The following STX11 variants were observed in gnomAD, a reference collection of about 807,000 sequenced individuals.
STX11 encodes the protein syntaxin-11.
In STX11, 21 loss-of-function variants were observed where a neutral mutation model predicts 19.9. That is an observed-to-expected ratio of 1.06 (90% CI 0.75 to 1.52). The LOEUF is 1.52. Ranked by LOEUF, STX11 falls within the 40% of genes most tolerant of loss-of-function variation. The pLI is 0.00. For missense variants in STX11, 438 were observed against 405.9 expected (o/e 1.08, Z -0.68); for synonymous variants, 193 against 174.4 (o/e 1.11, Z -0.84).
chr6:144,146,153 A>G (rs1184790290), upstream of STX11, among the ~76,000 whole-genome samples: 1 of 152,172 alleles, frequency 6.6e-6, no homozygotes, highest in Non-Finnish European at 1.5e-5. The surrounding 1 kb of genome is among the most constrained non-coding windows in gnomAD (Gnocchi z 4.4). Context: ...GGACCTTCCA[A>G]CCCTGGGATT....
Position 144,153,499 on chromosome 6 carries a change from C to T in STX11, c.-6+2796C>T, listed in dbSNP as rs7761584. 0.073 allele frequency among the ~76,000 whole-genome samples: 11,040 copies of T among 152,170 alleles called. 1,138 individuals carry two copies. Among genetic ancestry groups the T allele is most frequent in the African/African-American group, 0.22 (9,287 of 41,468 alleles). Reference sequence around the variant, plus strand: ...GTTTAGTGACGGCACAGAGGGAGGCCTACGGAGACAGGAAGGGCCAGATCA... The same window carrying T: ...GTTTAGTGACGGCACAGAGGGAGGCTTACGGAGACAGGAAGGGCCAGATCA... On this transcript the variant is annotated intron_variant, in intron 1 of 1. Transcript: ENST00000367568. This position sits in a 1 kb window ranked among gnomAD's most constrained non-coding sequence, Gnocchi z 5.0.
At chr6:144,141,266 ACGTTAGAG>A in the STX11 span, among the ~76,000 whole-genome samples, 349 of 152,344 alleles carry the variant, frequency 2.3e-3, no homozygotes, top group African/African-American at 8.1e-3. Context: ...CTATTTGTAT[ACGTTAGAG>A]CAACCAGTAC....
intron 1 of STX11, among the ~76,000 whole-genome samples, chr6:144,186,067 T>TC (rs397943916): frequency 6.8e-6 from 1 of 148,130 alleles, no homozygotes; most frequent in East Asian, 2.0e-4. Flanking sequence ...TTTTTTTTTT[T>TC]CTGTGTCTGT....
chr6:144,151,003 T>C lies in STX11; in HGVS notation c.-6+300T>C, dbSNP rs754076090. Among the ~76,000 whole-genome samples, 5 of 152,236 alleles carry C rather than the reference T, an allele frequency of 3.3e-5. No homozygotes were observed. Among genetic ancestry groups the C allele is most frequent in the African/African-American group, 4.8e-5 (2 of 41,462 alleles). Reference sequence around the variant, plus strand: ...GAATTATTTTAGGGATACCTGTTGGTAGGCTGCCTTTATAAAGTGTCCACC... The same window carrying C: ...GAATTATTTTAGGGATACCTGTTGGCAGGCTGCCTTTATAAAGTGTCCACC... On this transcript the variant is annotated intron_variant, in intron 1 of 1. Transcript: ENST00000367568. This position sits in a 1 kb window ranked among gnomAD's most constrained non-coding sequence, Gnocchi z 4.6.
intron 1 of STX11, among the ~76,000 whole-genome samples, chr6:144,178,321 C>T (rs1801824213): frequency 6.6e-6 from 1 of 152,168 alleles, no homozygotes; most frequent in East Asian, 1.9e-4. Flanking sequence ...TAATACCTGC[C>T]CATTGCTGAG....
Position 144,191,741 on chromosome 6 carries a change from C to T in STX11, c.*4250C>T, listed in dbSNP as rs529195967. On this transcript the variant is annotated 3_prime_UTR_variant, in exon 2 of 2. Coordinates refer to ENST00000367568, the MANE Select transcript of STX11 (RefSeq NM_003764.4). ...GCAACAGTTGACTTCCTTTTGATAG[C>T]GGAGTTGAAAATCATTGCAATTAAT... is the stretch of plus-strand genomic sequence containing the variant. 9.5e-4 allele frequency among the ~76,000 whole-genome samples: 144 copies of T among 152,070 alleles called. No homozygotes were observed. Among genetic ancestry groups the T allele is most frequent in the African/African-American group, 3.2e-3 (133 of 41,452 alleles).
In STX11 at chr6:144,187,041, C is replaced by G; in HGVS notation, c.414C>G (p.Thr138=). ...SRAQYNALTL[T]FQRAMHDYNQ... The stretch of plus-strand genomic sequence containing the variant: ...CGCAGTACAACGCGCTCACCCTCAC[C>G]TTCCAGCGCGCCATGCACGACTACA... The change falls in exon 2 of 2, where the codon ACC becomes ACG. Residue 138 remains threonine, a synonymous_variant. Transcript: ENST00000367568. The surrounding 1 kb of genome is among the most constrained non-coding windows in gnomAD (Gnocchi z 5.6). 6.2e-7 allele frequency: 1 copy of G among 1,612,946 alleles called. No homozygotes were observed. Among genetic ancestry groups the G allele is most frequent in the Non-Finnish European group, 8.5e-7 (1 of 1,179,972 alleles).
In STX11 at chr6:144,187,185, G is replaced by T. The variant is rs201639250; in HGVS notation, c.558G>T (p.Trp186Cys). 6.2e-7 allele frequency: 1 copy of T among 1,613,960 alleles called. No individual in the cohort carries two copies. Among genetic ancestry groups the T allele is most frequent in the African/African-American group, 1.3e-5 (1 of 75,038 alleles). The stretch of plus-strand genomic sequence containing the variant: ...AGGACATGTTCGAGCAGGGTAAGTG[G>T]GACGTGTTTTCCGAGAACTTGCTGG... The part of the protein sequence containing the change: ...QIEDMFEQGK[W>C]DVFSENLLAD... The change falls in exon 2 of 2, where the codon TGG (tryptophan) becomes TGT (cysteine). Residue 186 changes from tryptophan (W) to cysteine (C), a missense_variant. Coordinates refer to ENST00000367568, the MANE Select transcript of STX11 (RefSeq NM_003764.4). This position sits in a 1 kb window ranked among gnomAD's most constrained non-coding sequence, Gnocchi z 5.6.
Position 144,152,220 on chromosome 6 carries a change from G to A in STX11, c.-6+1517G>A, listed in dbSNP as rs1801025128. Among the ~76,000 whole-genome samples the A allele has an allele frequency of 6.6e-6, 1 of 152,182 alleles. No individual in the cohort carries two copies. Among genetic ancestry groups the A allele is most frequent in the African/African-American group, 2.4e-5 (1 of 41,440 alleles). On this transcript the variant is annotated intron_variant, in intron 1 of 1. Coordinates refer to ENST00000367568, the MANE Select transcript of STX11 (RefSeq NM_003764.4). This position sits in a 1 kb window ranked among gnomAD's most constrained non-coding sequence, Gnocchi z 4.9. ...GATTAGTTGATAGTGTGACTTTTAAGAAATAGTGTGACTAATTAATAGTTT... is the reference window on the plus strand; with the variant it reads ...GATTAGTTGATAGTGTGACTTTTAAAAAATAGTGTGACTAATTAATAGTTT...
upstream of STX11, chr6:144,150,420 C>A: frequency 6.7e-6 from 6 of 901,162 alleles, no homozygotes; most frequent in Non-Finnish European, 8.0e-6. Flanking sequence ...CTCTGTGAGC[C>A]GGCTGCCGCC....
chr6:144,151,538 A>T lies in STX11; in HGVS notation c.-6+835A>T. 8.0e-6 allele frequency: 5 copies of T among 623,582 alleles called. No homozygotes were observed. Among genetic ancestry groups the T allele is most frequent in the Non-Finnish European group, 1.0e-5 (5 of 499,316 alleles). 38.6% of individuals were successfully genotyped at this position (623,582 alleles called of 1,614,324 possible). A position where few individuals can be genotyped will look rare whatever the true frequency, so the allele number is the denominator to read the frequency against. ...TGCCCTGCCAACCTGGGGCAGTGGT[A>T]TGGGAAGTGACGATTGAGTTTTCAG... On this transcript the variant is annotated intron_variant, in intron 1 of 1. Transcript: ENST00000367568. The surrounding 1 kb of genome is among the most constrained non-coding windows in gnomAD (Gnocchi z 4.6).
intron 1 of STX11, among the ~76,000 whole-genome samples, chr6:144,166,988 T>A (rs540657510): frequency 1.3e-4 from 20 of 152,264 alleles, no homozygotes; most frequent in African/African-American, 4.1e-4. Flanking sequence ...TGGCCCTGCA[T>A]CTCTGAGGGA....
At chr6:144,140,243 TATATATATATA>T in the STX11 span, among the ~76,000 whole-genome samples, 3 of 50,904 alleles carry the variant, frequency 5.9e-5, no homozygotes, top group African/African-American at 4.4e-4. Flanking sequence ...TATATATATA[TATATATATATA>T]TTTATTTATT....
At chr6:144,141,172 T>C in the STX11 span, among the ~76,000 whole-genome samples, 2 of 152,218 alleles carry the variant, frequency 1.3e-5, no homozygotes, top group Non-Finnish European at 2.9e-5. Context: ...TTGGTTTCCA[T>C]AAAGAGCTAT....
chr6:144,167,183 A>G lies in STX11; in HGVS notation c.-6+16480A>G, dbSNP rs73582945. On this transcript the variant is annotated intron_variant, in intron 1 of 1. Coordinates refer to ENST00000367568, the MANE Select transcript of STX11 (RefSeq NM_003764.4). The surrounding 1 kb of genome is among the most constrained non-coding windows in gnomAD (Gnocchi z 5.0). ...TCATTGGTTATTTTATAGAATTAGT[A>G]TATATAGTTGTATTAGATGATGGAA... 0.048 allele frequency among the ~76,000 whole-genome samples: 7,267 copies of G among 152,326 alleles called. 484 individuals are homozygous for G. Among genetic ancestry groups the G allele is most frequent in the African/African-American group, 0.14 (5,857 of 41,556 alleles).
upstream of STX11, among the ~76,000 whole-genome samples, chr6:144,147,768 T>C (rs541433659): frequency 6.6e-6 from 1 of 152,128 alleles, no homozygotes; most frequent in Non-Finnish European, 1.5e-5. This position sits in a 1 kb window ranked among gnomAD's most constrained non-coding sequence, Gnocchi z 4.2. Context: ...CAGCTGAGCA[T>C]GGTAACTGAT....
upstream of STX11, among the ~76,000 whole-genome samples, chr6:144,146,448 C>A (rs1394890054): frequency 6.6e-6 from 1 of 152,096 alleles, no homozygotes; most frequent in Non-Finnish European, 1.5e-5. This position sits in a 1 kb window ranked among gnomAD's most constrained non-coding sequence, Gnocchi z 4.4. Context: ...ATACTCTAAA[C>A]CCTGTCATTA....
rs1168627556 is a variant in STX11 at position 144,153,824 on chromosome 6, T to G, written c.-6+3121T>G. ...AATGAGGAGGTAGGAGCAGTTGAGA[T>G]GACTCCCATGTTTCTAATGAATGAC... is the stretch of plus-strand genomic sequence containing the variant. On this transcript the variant is annotated intron_variant, in intron 1 of 1. Coordinates refer to ENST00000367568, the MANE Select transcript of STX11 (RefSeq NM_003764.4). The surrounding 1 kb of genome is among the most constrained non-coding windows in gnomAD (Gnocchi z 5.0). 6.6e-6 allele frequency among the ~76,000 whole-genome samples: 1 copy of G among 152,120 alleles called. No homozygotes were observed. The highest frequency in any genetic ancestry group is 1.5e-5 in the Non-Finnish European group (1 of 68,018).
the STX11 span, among the ~76,000 whole-genome samples, chr6:144,141,501 C>T: frequency 6.6e-6 from 1 of 152,126 alleles, no homozygotes; most frequent in African/African-American, 2.4e-5. Flanking sequence ...TCTTAGTAAA[C>T]AACAAGAAAT....
Sources: allele counts gnomAD v4.1 joint callset (sites outside exome capture counted in the v4.1 genomes callset), GRCh38; gene constraint gnomAD v4.1.1; non-coding constraint Gnocchi (gnomAD v3.1); transcripts MANE v1.5; gene names NCBI Gene and HGNC (gene_info 2026-07-23, HGNC 2026-07-21).